The following SLC39A8 variants were observed in gnomAD, a reference collection of about 807,000 sequenced individuals.
SLC39A8 encodes metal cation symporter ZIP8.
SLC39A8 carries 15 observed loss-of-function variants against 40.4 expected under a neutral mutation model. That is an observed-to-expected ratio of 0.37 (90% CI 0.25 to 0.57). The LOEUF is 0.57. SLC39A8 is among the 20% of genes least tolerant of loss of function. SLC39A8 has a pLI of 0.75. For missense variants in SLC39A8, 472 were observed against 558.8 expected, an observed-to-expected ratio of 0.84 and a Z score of 1.57; for synonymous variants, 223 against 221.6, an observed-to-expected ratio of 1.01 and a Z score of -0.06.
At chr4:102,286,172 C>T (rs554475223) in intron 6 of SLC39A8, among the ~76,000 whole-genome samples, 2 of 152,272 alleles carry the variant, frequency 1.3e-5, no homozygotes, top group African/African-American at 4.8e-5. Flanking sequence ...TATTCCATTG[C>T]TTCCCCTGGT....
intron 8 of SLC39A8, among the ~76,000 whole-genome samples, chr4:102,265,017 T>C (rs984007349): frequency 1.3e-5 from 2 of 152,244 alleles, no homozygotes; most frequent in Non-Finnish European, 2.9e-5. Context: ...TTTTGCTTTC[T>C]TATTATTTGT....
At position 102,255,648 on chromosome 4, in the gene SLC39A8, G is replaced by A. The variant is rs76772512; in HGVS notation, c.*299-2218C>T. On this transcript the variant is annotated intron_variant and NMD_transcript_variant, in intron 11 of 11. Coordinates refer to the SLC39A8 transcript ENST00000424970. ...TAAGTGCATTGGTTGACAATCTCCA[G>A]TAGGGGTTGGGAGAAACCAGTTTCT... Among the ~76,000 whole-genome samples, 1,370 of 152,300 alleles carry A rather than the reference G, an allele frequency of 9.0e-3. 15 individuals are homozygous for A. The highest frequency in any genetic ancestry group is 0.031 in the African/African-American group (1,294 of 41,552).
chr4:102,270,387 T>C (rs939579871), intron 6 of SLC39A8, among the ~76,000 whole-genome samples: 14 of 152,226 alleles, frequency 9.2e-5, no homozygotes, highest in African/African-American at 3.4e-4. Context: ...ACATTTTTAA[T>C]AGTTTTGGAA....
chr4:102,304,548 A>G (rs1431992879), intron 5 of SLC39A8, 67 bp from the exon 6 acceptor site: 1 of 1,311,324 alleles, frequency 7.6e-7, no homozygotes, highest in Non-Finnish European at 1.1e-6. Flanking sequence ...ACAAGGAAAT[A>G]GAGTTTACTG....
At chr4:102,315,559 C>A (rs940251547) in intron 3 of SLC39A8, 109 bp downstream of exon 3, 8 of 903,190 alleles carry the variant, frequency 8.9e-6, no homozygotes, top group African/African-American at 3.4e-5. Context: ...CGAAGAAGTT[C>A]TATGTAGATT....
Position 102,265,092 on chromosome 4 carries a change from T to C in SLC39A8, c.1234-1899A>G, listed in dbSNP as rs546189220. 2.6e-5 allele frequency among the ~76,000 whole-genome samples: 4 copies of C among 152,372 alleles called. No individual in the cohort carries two copies. In the South Asian group the frequency reaches 8.3e-4, roughly 32 times the overall value. ...CCTTTCTTTGCAGTCACAACTGGGC[T>C]ATCTGGCAAACAAAGTCTAGCTTTT... On this transcript the variant is annotated intron_variant, in intron 8 of 8. Coordinates refer to ENST00000356736, the MANE Select transcript of SLC39A8 (RefSeq NM_001135146.2).
rs1731630328 is a variant in SLC39A8, at chr4:102,253,165, G to A, written c.*564C>T. Reference sequence around the variant, plus strand: ...ACTCAAACATGTCGTTTTTCGGGGCGAGCGGGGAGGGCGGCGGGGAACACA... The same window carrying A: ...ACTCAAACATGTCGTTTTTCGGGGCAAGCGGGGAGGGCGGCGGGGAACACA... On this transcript the variant is annotated 3_prime_UTR_variant and NMD_transcript_variant, in exon 12 of 12. Coordinates refer to the SLC39A8 transcript ENST00000424970. 4 of 301,160 alleles carry A rather than the reference G, an allele frequency of 1.3e-5. No homozygotes were observed. The Admixed American group carries it at 1.6e-4, about 12-fold the overall frequency. The allele number at this position is 301,160 out of a possible 1,614,324, so 18.7% of individuals were successfully genotyped here.
intron 1 of SLC39A8, 53 bp downstream of exon 1, chr4:102,345,292 C>A (rs557698469): frequency 6.5e-6 from 1 of 152,784 alleles, no homozygotes; most frequent in South Asian, 2.1e-4. Flanking sequence ...TCCCTCTCCC[C>A]GGATCTTCTC....
intron 8 of SLC39A8, among the ~76,000 whole-genome samples, chr4:102,265,989 T>G (rs62327916): frequency 0.29 from 44,452 of 152,082 alleles, 6,586 homozygotes; most frequent in East Asian, 0.4. Flanking sequence ...TTACCTTATA[T>G]CTTGCTAAAA....
chr4:102,267,095 C>A (rs900126206), intron 8 of SLC39A8, among the ~76,000 whole-genome samples: 1 of 152,084 alleles, frequency 6.6e-6, no homozygotes, highest in African/African-American at 2.4e-5. Context: ...GCTATTTACT[C>A]TAATAAGTTA....
At chr4:102,292,193 A>G (rs763325180) in intron 6 of SLC39A8, among the ~76,000 whole-genome samples, 2 of 152,088 alleles carry the variant, frequency 1.3e-5, no homozygotes, top group East Asian at 1.9e-4. Context: ...AGTAGACTTT[A>G]CATGCTTTCA....
intron 6 of SLC39A8, among the ~76,000 whole-genome samples, chr4:102,284,406 G>A (rs1056952208): frequency 3.3e-5 from 5 of 152,166 alleles, no homozygotes; most frequent in African/African-American, 4.8e-5. Context: ...ATGGCAGAGC[G>A]CATGAACATT....
chr4:102,310,085 C>T (rs1734360507), intron 3 of SLC39A8, among the ~76,000 whole-genome samples: 1 of 152,046 alleles, frequency 6.6e-6, no homozygotes, highest in Non-Finnish European at 1.5e-5. Flanking sequence ...CTTGCACAGC[C>T]TCTCCAGTGT....
At chr4:102,303,201 C>T (rs1281198638) in intron 6 of SLC39A8, among the ~76,000 whole-genome samples, 2 of 151,864 alleles carry the variant, frequency 1.3e-5, no homozygotes, top group Non-Finnish European at 2.9e-5. Flanking sequence ...GCTGAGTAAA[C>T]CTGGAGGGGT....
intron 2 of SLC39A8, among the ~76,000 whole-genome samples, chr4:102,326,797 A>C (rs1023854312): frequency 4.6e-5 from 7 of 152,124 alleles, no homozygotes; most frequent in African/African-American, 1.7e-4. Context: ...GAGAGCCCTT[A>C]TGTACCACTT....
At chr4:102,321,573 A>ATG (rs1446796664) in intron 2 of SLC39A8, among the ~76,000 whole-genome samples, 1 of 152,066 alleles carries the variant, frequency 6.6e-6, no homozygotes, top group Non-Finnish European at 1.5e-5. Context: ...TCACCCTTCA[A>ATG]TGTGTCTATG....
At chr4:102,283,950 G>A (rs979548874) in intron 6 of SLC39A8, among the ~76,000 whole-genome samples, 5 of 152,048 alleles carry the variant, frequency 3.3e-5, no homozygotes, top group African/African-American at 9.7e-5. Flanking sequence ...TATTCTCTCG[G>A]ATATTCACAT....
chr4:102,321,382 T>C (rs992065295), intron 2 of SLC39A8, among the ~76,000 whole-genome samples: 10 of 152,120 alleles, frequency 6.6e-5, no homozygotes, highest in African/African-American at 2.2e-4. Flanking sequence ...AGTGGGAGAA[T>C]AGGATGGAGC....
At position 102,301,479 on chromosome 4, in the gene SLC39A8, A is replaced by G. The variant is rs531324843; in HGVS notation, c.840+2838T>C. Among the ~76,000 whole-genome samples the G allele has an allele frequency of 1.7e-3, 258 of 150,156 alleles. 9 individuals are homozygous for G. The South Asian group carries it at 0.052, about 30-fold the overall frequency. On this transcript the variant is annotated intron_variant, in intron 6 of 8. Transcript: ENST00000356736. ...TTTAGTTTCATCAAGGTAGGTTATTACTATATGATATTTTCTTGTTTTGCT... is the reference window on the plus strand; with the variant it reads ...TTTAGTTTCATCAAGGTAGGTTATTGCTATATGATATTTTCTTGTTTTGCT...
Sources: allele counts gnomAD v4.1 joint callset (sites outside exome capture counted in the v4.1 genomes callset), GRCh38; gene constraint gnomAD v4.1.1; transcripts MANE v1.5; gene names NCBI Gene and HGNC (gene_info 2026-07-23, HGNC 2026-07-21).